The following PPP3R1 variants were observed in gnomAD, a reference collection of about 807,000 sequenced individuals.
The protein encoded by PPP3R1 is protein phosphatase 3 regulatory subunit B, alpha.
A neutral mutation model predicts 22.6 loss-of-function variants in PPP3R1; 5 were observed. The observed-to-expected ratio is 0.22, with a 90% confidence interval of 0.12 to 0.46. The LOEUF (loss-of-function observed/expected upper bound fraction) is 0.46. PPP3R1 is among the 20% of genes least tolerant of loss of function. The pLI, the probability that PPP3R1 is intolerant of heterozygous loss-of-function variation, is 0.99. For missense variants in PPP3R1, 61 were observed against 203.2 expected (o/e 0.30, Z 4.25); for synonymous variants, 56 against 65.2 (o/e 0.86, Z 0.68).
intron 2 of PPP3R1, among the ~76,000 whole-genome samples, chr2:68,208,148 C>T (rs7572554): frequency 0.75 from 113,357 of 152,112 alleles, 43,299 homozygotes; most frequent in African/African-American, 0.93. Context: ...AGCAAAACTG[C>T]TGTCTCAAAA....
At chr2:68,228,333 G>T (rs1362983022) in intron 1 of PPP3R1, among the ~76,000 whole-genome samples, 1 of 152,086 alleles carries the variant, frequency 6.6e-6, no homozygotes, top group Non-Finnish European at 1.5e-5. Context: ...GAGGATGTTG[G>T]TCCATAGTTA....
chr2:68,230,432 T>TG (rs1669873456), intron 1 of PPP3R1, among the ~76,000 whole-genome samples: 2 of 152,248 alleles, frequency 1.3e-5, no homozygotes, highest in African/African-American at 4.8e-5. Context: ...AGATAACTTT[T>TG]CACAATCTCA....
intron 2 of PPP3R1, among the ~76,000 whole-genome samples, chr2:68,210,242 A>G (rs1180834505): frequency 2.0e-5 from 3 of 152,158 alleles, no homozygotes; most frequent in Admixed American, 1.3e-4. Flanking sequence ...CTTTCACACA[A>G]AAGATCTTAT....
In PPP3R1 at chr2:68,252,302, T is replaced by C. The variant is rs1234527735; in HGVS notation, c.-175A>G. On this transcript the variant is annotated 5_prime_UTR_variant, in exon 1 of 6. Coordinates refer to ENST00000234310, the MANE Select transcript of PPP3R1 (RefSeq NM_000945.4). ...CGCGGGGCCCGCGCCGGCCGGGCGA[T>C]TGGGCACGCGAGGGAGCGGGCAGGG... 1 of 1,022,192 alleles carries C rather than the reference T, an allele frequency of 9.8e-7. No homozygotes were observed. Among genetic ancestry groups the C allele is most frequent in the Non-Finnish European group, 1.2e-6 (1 of 856,932 alleles). The allele number at this position is 1,022,192 out of a possible 1,614,324, so 63.3% of individuals were successfully genotyped here.
chr2:68,203,022 CA>C (rs1459959301), intron 2 of PPP3R1, among the ~76,000 whole-genome samples: 1 of 151,934 alleles, frequency 6.6e-6, no homozygotes, highest in Non-Finnish European at 1.5e-5. Flanking sequence ...CAAGGTAACC[CA>C]AACTATTTAA....
chr2:68,181,090 T>A, intron 5 of PPP3R1, 80 bp from the exon 6 acceptor site: 1 of 1,369,670 alleles, frequency 7.3e-7, no homozygotes, highest in East Asian at 2.3e-5. Flanking sequence ...CATCAAATTT[T>A]AAAAAATATT....
chr2:68,220,446 G>A (rs1669667158), intron 1 of PPP3R1, among the ~76,000 whole-genome samples: 1 of 152,138 alleles, frequency 6.6e-6, no homozygotes, highest in African/African-American at 2.4e-5. Context: ...TGATCCCATG[G>A]GCCAAACTGG....
chr2:68,183,968 A>T (rs1221869271), intron 5 of PPP3R1, among the ~76,000 whole-genome samples: 1 of 152,188 alleles, frequency 6.6e-6, no homozygotes, highest in South Asian at 2.1e-4. Flanking sequence ...TAGACAGTGT[A>T]AGTCCAGCTG....
intron 2 of PPP3R1, among the ~76,000 whole-genome samples, chr2:68,190,577 C>G (rs1364419240): frequency 6.6e-6 from 1 of 152,088 alleles, no homozygotes; most frequent in African/African-American, 2.4e-5. Context: ...AAAAAACAAA[C>G]AAAAAAAACC....
intron 2 of PPP3R1, among the ~76,000 whole-genome samples, chr2:68,193,770 T>A (rs1674714229): frequency 1.3e-5 from 2 of 152,106 alleles, no homozygotes; most frequent in African/African-American, 4.8e-5. Flanking sequence ...TAGGAACAGA[T>A]CTCTAAAGCA....
intron 2 of PPP3R1, among the ~76,000 whole-genome samples, chr2:68,198,247 A>ATG (rs1417287309): frequency 6.8e-6 from 1 of 146,318 alleles, no homozygotes; most frequent in Non-Finnish European, 1.5e-5. Context: ...ACACATATGT[A>ATG]CATACATATG....
chr2:68,204,883 T>C (rs1675078982), intron 2 of PPP3R1, among the ~76,000 whole-genome samples: 1 of 152,268 alleles, frequency 6.6e-6, no homozygotes, highest in African/African-American at 2.4e-5. Flanking sequence ...TGCCAGGCAT[T>C]ATGCTTCCAC....
chr2:68,206,991 T>C (rs774448137), intron 2 of PPP3R1, among the ~76,000 whole-genome samples: 4 of 151,220 alleles, frequency 2.6e-5, no homozygotes, highest in Non-Finnish European at 5.9e-5. Context: ...TTAACCTAAA[T>C]AGGGAAGTAT....
At chr2:68,186,302 ATTG>A (rs1674542125) in intron 5 of PPP3R1, among the ~76,000 whole-genome samples, 163 bp downstream of exon 5, 1 of 63,108 alleles carries the variant, frequency 1.6e-5, no homozygotes, top group Non-Finnish European at 2.6e-5. Flanking sequence ...GGGAATAATA[ATTG>A]TTAATAATTA....
intron 1 of PPP3R1, among the ~76,000 whole-genome samples, chr2:68,239,493 T>A (rs1670077978): frequency 6.6e-6 from 1 of 152,148 alleles, no homozygotes; most frequent in Non-Finnish European, 1.5e-5. Context: ...TAATGAAGCA[T>A]CAACATGAAG....
rs1165774321 is a variant in PPP3R1 at position 68,232,122 on chromosome 2, T to TACACACACAC, written c.4-14992_4-14991insGTGTGTGTGT. On this transcript the variant is annotated intron_variant, in intron 1 of 5. Coordinates refer to ENST00000234310, the MANE Select transcript of PPP3R1 (RefSeq NM_000945.4). The stretch of plus-strand genomic sequence containing the variant: ...AAAAAAAAAAAAATATATATATATA[T>TACACACACAC]ATACACACACACACACATATATATG... Among the ~76,000 whole-genome samples the TACACACACAC allele has an allele frequency of 4.1e-3, 199 of 48,154 alleles. 11 individuals carry two copies. The highest frequency in any genetic ancestry group is 0.013 in the South Asian group (16 of 1,220). 31.6% of individuals were successfully genotyped at this position (48,154 alleles called of 152,430 possible). A position where few individuals can be genotyped will look rare whatever the true frequency, so the allele number is the denominator to read the frequency against.
rs189210525 is a variant in PPP3R1 at position 68,251,751 on chromosome 2, G to A, written c.3+374C>T. 6.7e-3 allele frequency among the ~76,000 whole-genome samples: 1,013 copies of A among 152,052 alleles called. 5 individuals carry two copies. Among genetic ancestry groups the A allele is most frequent in the Non-Finnish European group, 0.01 (712 of 67,920 alleles). Reference sequence around the variant, plus strand: ...AAAAACAGAGTGAGTGTGGAGGGGAGGGGGGTGCTCCACGTGGAGGAGGGT... The same window carrying A: ...AAAAACAGAGTGAGTGTGGAGGGGAAGGGGGTGCTCCACGTGGAGGAGGGT... On this transcript the variant is annotated intron_variant, in intron 1 of 5. Coordinates refer to ENST00000234310, the MANE Select transcript of PPP3R1 (RefSeq NM_000945.4).
At chr2:68,250,461 C>T (rs933952565) in intron 1 of PPP3R1, among the ~76,000 whole-genome samples, 2 of 152,208 alleles carry the variant, frequency 1.3e-5, no homozygotes, top group Admixed American at 1.3e-4. Context: ...CTCAAATGTG[C>T]TGTTTATAAA....
chr2:68,247,200 G>T (rs1363996557), intron 1 of PPP3R1, among the ~76,000 whole-genome samples: 2 of 152,096 alleles, frequency 1.3e-5, no homozygotes, highest in African/African-American at 4.8e-5. Flanking sequence ...AGATCCATCT[G>T]CCTCGGCCTC....
Sources: gnomAD v4.1 joint callset for allele counts (sites outside exome capture counted in the v4.1 genomes callset) on GRCh38, gnomAD v4.1.1 for gene constraint, MANE v1.5 for transcripts, NCBI Gene and HGNC (gene_info 2026-07-23, HGNC 2026-07-21) for gene names.